CTDSPL: variants seen among roughly 807,000 people sequenced by gnomAD.
The protein encoded by CTDSPL is CTD small phosphatase like.
CTDSPL carries 8 observed loss-of-function variants against 30.5 expected under a neutral mutation model. That is an observed-to-expected ratio of 0.26 (90% CI 0.15 to 0.47). CTDSPL has a LOEUF of 0.47. CTDSPL is among the 20% of genes least tolerant of loss of function. CTDSPL has a pLI of 0.99. For synonymous variants in CTDSPL, 110 were observed against 137.9 expected, an observed-to-expected ratio of 0.80 and a Z score of 1.42; for missense variants, 248 against 366.1, an observed-to-expected ratio of 0.68 and a Z score of 2.63.
intron 1 of CTDSPL, among the ~76,000 whole-genome samples, chr3:37,897,780 T>A (rs2125599669): frequency 6.6e-6 from 1 of 152,238 alleles, no homozygotes; most frequent in African/African-American, 2.4e-5. Context: ...CTGAAAAAGT[T>A]GTACGATATG....
chr3:37,973,767 A>G (rs1471923140), intron 6 of CTDSPL, among the ~76,000 whole-genome samples: 2 of 152,248 alleles, frequency 1.3e-5, no homozygotes, highest in African/African-American at 4.8e-5. Flanking sequence ...CAGGCACAGT[A>G]CTAAATACTG....
intron 1 of CTDSPL, among the ~76,000 whole-genome samples, chr3:37,871,809 TC>T (rs1698074254): frequency 6.6e-6 from 1 of 152,326 alleles, no homozygotes; most frequent in East Asian, 1.9e-4. Flanking sequence ...TGGTTTTCAG[TC>T]TTTTCTCCCC....
intron 7 of CTDSPL, among the ~76,000 whole-genome samples, chr3:37,977,909 A>T (rs1328580940): frequency 6.6e-6 from 1 of 152,086 alleles, no homozygotes; most frequent in East Asian, 1.9e-4. Context: ...AAAAAAGAAG[A>T]AAAAAATAAT....
At chr3:37,962,827 G>A (rs151203768) in intron 3 of CTDSPL, among the ~76,000 whole-genome samples, 4 of 152,296 alleles carry the variant, frequency 2.6e-5, no homozygotes, top group African/African-American at 9.6e-5. Flanking sequence ...CAATGAGAAT[G>A]TGTTTTATAT....
intron 5 of CTDSPL, 122 bp downstream of exon 5, chr3:37,968,004 T>A: frequency 1.5e-6 from 1 of 671,200 alleles, no homozygotes; most frequent in Non-Finnish European, 2.5e-6. Flanking sequence ...AAAGGAAGCA[T>A]ACTGTAATAA....
chr3:37,920,265 G>A (rs772272077), intron 1 of CTDSPL, among the ~76,000 whole-genome samples: 1 of 152,172 alleles, frequency 6.6e-6, no homozygotes, highest in Non-Finnish European at 1.5e-5. Context: ...CTGGACTGTT[G>A]CCGGAGGTGA....
chr3:37,867,063 A>G (rs1285423822), intron 1 of CTDSPL, among the ~76,000 whole-genome samples: 1 of 152,176 alleles, frequency 6.6e-6, no homozygotes, highest in African/African-American at 2.4e-5. Context: ...AAATTTCATC[A>G]TCAGGAGGAT....
At chr3:37,875,895 T>A (rs969437886) in intron 1 of CTDSPL, among the ~76,000 whole-genome samples, 4 of 152,242 alleles carry the variant, frequency 2.6e-5, no homozygotes, top group Admixed American at 6.5e-5. Context: ...TACTCTGTAG[T>A]AGACCTTGTA....
At position 37,975,318 on chromosome 3, in the gene CTDSPL, T is replaced by C. The variant is rs1699412686; in HGVS notation, c.520-391T>C. ...AGCAGAGGAGTGACATGATGGCACA[T>C]ATGTTTTCCAGTGGCCACTCTGACA... is the stretch of plus-strand genomic sequence containing the variant. On this transcript the variant is annotated intron_variant, in intron 6 of 7. Transcript: ENST00000273179. The surrounding 1 kb of genome is among the most constrained non-coding windows in gnomAD (Gnocchi z 4.9). Among the ~76,000 whole-genome samples, 2 of 152,124 alleles carry C rather than the reference T, an allele frequency of 1.3e-5. No homozygotes were observed. Among genetic ancestry groups the C allele is most frequent in the Admixed American group, 6.5e-5 (1 of 15,272 alleles).
At chr3:37,866,350 A>G (rs1460842165) in intron 1 of CTDSPL, among the ~76,000 whole-genome samples, 2 of 152,216 alleles carry the variant, frequency 1.3e-5, no homozygotes, top group African/African-American at 2.4e-5. Context: ...ACACAACTGT[A>G]TATTTGTTTA....
intron 7 of CTDSPL, among the ~76,000 whole-genome samples, chr3:37,979,012 GA>G (rs1304459267): frequency 6.6e-6 from 1 of 152,030 alleles, no homozygotes; most frequent in Non-Finnish European, 1.5e-5. Flanking sequence ...TGCAACTCTT[GA>G]TTTCTAAAGA....
At chr3:37,900,184 G>A (rs1216994379) in intron 1 of CTDSPL, among the ~76,000 whole-genome samples, 2 of 152,214 alleles carry the variant, frequency 1.3e-5, no homozygotes, top group Non-Finnish European at 2.9e-5. Context: ...TTGAGAGGAA[G>A]GCTTGAGTGT....
At chr3:37,877,240 A>G (rs1698146164) in intron 1 of CTDSPL, among the ~76,000 whole-genome samples, 1 of 152,174 alleles carries the variant, frequency 6.6e-6, no homozygotes, top group Admixed American at 6.5e-5. Flanking sequence ...CAAAAACGAA[A>G]CTATTCATTA....
chr3:37,901,922 C>T (rs1359556409), intron 1 of CTDSPL, among the ~76,000 whole-genome samples: 1 of 152,204 alleles, frequency 6.6e-6, no homozygotes, highest in African/African-American at 2.4e-5. Flanking sequence ...AGGGACTCAT[C>T]TCTTATCTTC....
At chr3:37,967,594 G>C (rs1174703303) in intron 4 of CTDSPL, among the ~76,000 whole-genome samples, 1 of 152,234 alleles carries the variant, frequency 6.6e-6, no homozygotes, top group Non-Finnish European at 1.5e-5. Context: ...TTGAGGCCAG[G>C]CAGGTGATAT....
chr3:37,960,498 A>ATAAAT (rs1559645086), intron 3 of CTDSPL, among the ~76,000 whole-genome samples: 5 of 64,182 alleles, frequency 7.8e-5, no homozygotes, highest in African/African-American at 3.5e-4. Context: ...AAAAAAAAAA[A>ATAAAT]AAAAAAAATA....
chr3:37,869,062 A>G (rs1698044300), intron 1 of CTDSPL, among the ~76,000 whole-genome samples: 1 of 152,078 alleles, frequency 6.6e-6, no homozygotes, highest in African/African-American at 2.4e-5. Flanking sequence ...ATTTATTTAG[A>G]TCTTTGATTC....
Position 37,948,054 on chromosome 3 carries a change from C to T in CTDSPL, c.234+843C>T, listed in dbSNP as rs552613005. On this transcript the variant is annotated intron_variant, in intron 2 of 7. Transcript: ENST00000273179. The stretch of plus-strand genomic sequence containing the variant: ...ATCCCAGCACTTTGGGAGGCCAAGG[C>T]GGGCAGATCACCTGAGGTCAGGAGT... Among the ~76,000 whole-genome samples the T allele has an allele frequency of 9.9e-5, 15 of 152,238 alleles. No homozygotes were observed. The East Asian group carries it at 1.2e-3, about 12-fold the overall frequency.
At chr3:37,935,907 C>T (rs1337869573) in intron 1 of CTDSPL, among the ~76,000 whole-genome samples, 3 of 152,062 alleles carry the variant, frequency 2.0e-5, no homozygotes, top group Non-Finnish European at 2.9e-5. Flanking sequence ...CCAGCAATCC[C>T]GATGCATAGT....
Sources: gnomAD v4.1 joint callset for allele counts (sites outside exome capture counted in the v4.1 genomes callset) on GRCh38, gnomAD v4.1.1 for gene constraint, Gnocchi (gnomAD v3.1) non-coding constraint, MANE v1.5 for transcripts, NCBI Gene and HGNC (gene_info 2026-07-23, HGNC 2026-07-21) for gene names.